Variants in SEC11A observed in about 807,000 individuals in gnomAD.
SEC11A encodes the protein signal peptidase complex catalytic subunit SEC11A.
SEC11A carries 14 observed loss-of-function variants against 25.6 expected under a neutral mutation model. The ratio of observed to expected loss-of-function variants is 0.55; its 90% CI spans 0.36 to 0.85. SEC11A has a LOEUF of 0.85. Among genes scored for constraint, SEC11A ranks in the 40% least tolerant of loss-of-function variants. The pLI, the probability that SEC11A is intolerant of heterozygous loss-of-function variation, is 0.01. For missense variants in SEC11A, 153 were observed against 222.9 expected (o/e 0.69, Z 2.00); for synonymous variants, 83 against 76.4 (o/e 1.09, Z -0.45).
intron 2 of SEC11A, among the ~76,000 whole-genome samples, 189 bp from the exon 3 acceptor site, chr15:84,687,963 A>AT (rs1422845305): frequency 5.9e-5 from 9 of 151,892 alleles, no homozygotes; most frequent in Non-Finnish European, 7.4e-5. Flanking sequence ...ACGCCAAAGG[A>AT]TTTTTTTTTA....
intron 1 of SEC11A, among the ~76,000 whole-genome samples, chr15:84,695,431 C>T (rs1897738718): frequency 6.6e-6 from 1 of 151,670 alleles, no homozygotes; most frequent in South Asian, 2.1e-4. Context: ...CCATTGCACT[C>T]CAGCCTGGGC....
At position 84,670,015 on chromosome 15, in the gene SEC11A, C is replaced by A. The variant is rs762243516; in HGVS notation, c.*4G>T. ...ATCTTCCCAGGAACAGCAAGGCAGGCTTCTTACTCACGATGAACCAGCACG... is the reference window on the plus strand; with the variant it reads ...ATCTTCCCAGGAACAGCAAGGCAGGATTCTTACTCACGATGAACCAGCACG... On this transcript the variant is annotated 3_prime_UTR_variant, in exon 6 of 6. Transcript: ENST00000268220. 2 of 1,613,632 alleles carry A rather than the reference C, an allele frequency of 1.2e-6. No individual in the cohort carries two copies. Among genetic ancestry groups the A allele is most frequent in the Non-Finnish European group, 8.5e-7 (1 of 1,179,688 alleles).
intron 4 of SEC11A, among the ~76,000 whole-genome samples, chr15:84,677,549 T>C (rs1188508403): frequency 6.6e-6 from 1 of 151,064 alleles, no homozygotes; most frequent in African/African-American, 2.4e-5. Context: ...CTCGGCTCAC[T>C]GCAAGCTCCA....
intron 1 of SEC11A, among the ~76,000 whole-genome samples, chr15:84,694,035 C>G (rs1319588642): frequency 2.6e-5 from 4 of 151,626 alleles, no homozygotes; most frequent in African/African-American, 9.7e-5. Flanking sequence ...TCAATTTTTT[C>G]TGAAAAATTC....
intron 1 of SEC11A, among the ~76,000 whole-genome samples, chr15:84,713,553 A>G (rs1898355659): frequency 6.6e-6 from 1 of 152,186 alleles, no homozygotes; most frequent in Non-Finnish European, 1.5e-5. Context: ...CTGGGAGGCC[A>G]GGGAGGATAA....
chr15:84,677,247 G>A (rs147062664), intron 4 of SEC11A, among the ~76,000 whole-genome samples: 2 of 151,992 alleles, frequency 1.3e-5, no homozygotes, highest in Admixed American at 6.5e-5. Flanking sequence ...GTTCCATTAC[G>A]TGTCAAGCTC....
intron 1 of SEC11A, among the ~76,000 whole-genome samples, chr15:84,713,198 A>C (rs905561722): frequency 1.3e-5 from 2 of 152,072 alleles, no homozygotes; most frequent in Admixed American, 6.6e-5. Context: ...CGTCTCAAAA[A>C]AAAAAAAAAA....
chr15:84,705,968 G>A (rs1189390043), intron 1 of SEC11A, among the ~76,000 whole-genome samples: 2 of 151,844 alleles, frequency 1.3e-5, no homozygotes, highest in African/African-American at 4.8e-5. Context: ...CTGGAGTGCA[G>A]TGGCACGATC....
intron 2 of SEC11A, among the ~76,000 whole-genome samples, chr15:84,688,197 T>C (rs970430711): frequency 6.6e-6 from 1 of 152,214 alleles, no homozygotes; most frequent in East Asian, 1.9e-4. Context: ...TCCTCTGCCA[T>C]TTATAAAGAT....
intron 4 of SEC11A, among the ~76,000 whole-genome samples, chr15:84,676,729 T>G (rs1355791169): frequency 6.6e-6 from 1 of 150,382 alleles, no homozygotes; most frequent in Non-Finnish European, 1.5e-5. Context: ...GAGGTTGCAG[T>G]GAGCTAAGAT....
At chr15:84,692,445 T>G (rs1897639254) in intron 1 of SEC11A, among the ~76,000 whole-genome samples, 8 of 152,186 alleles carry the variant, frequency 5.3e-5, no homozygotes, top group Admixed American at 4.6e-4. Context: ...AGAGGAGACT[T>G]CACCAAGTCC....
chr15:84,714,466 G>C (rs1007477694), intron 1 of SEC11A, among the ~76,000 whole-genome samples: 3 of 152,182 alleles, frequency 2.0e-5, no homozygotes, highest in Non-Finnish European at 2.9e-5. Flanking sequence ...GCACAACATA[G>C]TGAATGCAAC....
chr15:84,671,501 C>G (rs1896981880), intron 4 of SEC11A: 1 of 152,196 alleles, frequency 6.6e-6, no homozygotes, highest in Non-Finnish European at 1.5e-5. Context: ...CTTTCTAATT[C>G]CTCATGCCCC....
intron 1 of SEC11A, among the ~76,000 whole-genome samples, chr15:84,711,781 C>CAAAAA (rs60088964): frequency 4.3e-5 from 4 of 93,106 alleles, no homozygotes; most frequent in African/African-American, 1.7e-4. Context: ...GACTCTATCT[C>CAAAAA]AAAAAAAAAA....
At chr15:84,712,528 A>T (rs1168287376) in intron 1 of SEC11A, among the ~76,000 whole-genome samples, 2 of 150,472 alleles carry the variant, frequency 1.3e-5, no homozygotes, top group East Asian at 3.9e-4. Flanking sequence ...GCTCACTGCA[A>T]CCTCTGCCTC....
At chr15:84,696,634 T>C (rs1418881220) in intron 1 of SEC11A, among the ~76,000 whole-genome samples, 1 of 152,182 alleles carries the variant, frequency 6.6e-6, no homozygotes, top group Non-Finnish European at 1.5e-5. Context: ...GAAAAGGTAA[T>C]ACTTGCATGT....
chr15:84,685,334 T>C (rs1343356224), intron 3 of SEC11A, among the ~76,000 whole-genome samples: 1 of 152,060 alleles, frequency 6.6e-6, no homozygotes, highest in African/African-American at 2.4e-5. Flanking sequence ...CTCGGCTCAC[T>C]GCAGCCTCAA....
At chr15:84,692,482 C>G (rs1384855960) in intron 1 of SEC11A, among the ~76,000 whole-genome samples, 1 of 152,196 alleles carries the variant, frequency 6.6e-6, no homozygotes, top group Non-Finnish European at 1.5e-5. Flanking sequence ...ATAGTCAAGA[C>G]TTGAAGGTCA....
chr15:84,673,118 G>C (rs1327455884), intron 4 of SEC11A: 1 of 162,460 alleles, frequency 6.2e-6, no homozygotes, highest in African/African-American at 2.5e-5. Context: ...CAGCCACCCC[G>C]TCCGGGAGGG....
Sources: allele counts gnomAD v4.1 joint callset (sites outside exome capture counted in the v4.1 genomes callset), GRCh38; gene constraint gnomAD v4.1.1; transcripts MANE v1.5; gene names NCBI Gene and HGNC (gene_info 2026-07-23, HGNC 2026-07-21).